The following STAG1 variants were observed in gnomAD, a reference collection of about 807,000 sequenced individuals.
STAG1 encodes the protein cohesin subunit SA-1.
STAG1 carries 26 observed loss-of-function variants against 170.9 expected under a neutral mutation model. The ratio of observed to expected loss-of-function variants is 0.15; its 90% CI spans 0.11 to 0.21. STAG1 has a LOEUF of 0.21. Among genes scored for constraint, STAG1 ranks in the 10% least tolerant of loss-of-function variants. The pLI is 1.00. For synonymous variants in STAG1, 514 were observed against 497.7 expected, an observed-to-expected ratio of 1.03 and a Z score of -0.44; for missense variants, 964 against 1,509.5, an observed-to-expected ratio of 0.64 and a Z score of 5.99.
intron 16 of STAG1, among the ~76,000 whole-genome samples, chr3:136,423,464 C>T (rs1324552059): frequency 6.6e-6 from 1 of 152,126 alleles, no homozygotes; most frequent in African/African-American, 2.4e-5. Context: ...TTTTAAAGCA[C>T]ACACTAATAA....
intron 12 of STAG1, among the ~76,000 whole-genome samples, chr3:136,470,273 TCAAA>T (rs1364418949): frequency 7.2e-5 from 11 of 151,914 alleles, no homozygotes; most frequent in Admixed American, 1.3e-4. Flanking sequence ...TACAAAGAAC[TCAAA>T]CAAATTTACA....
chr3:136,421,737 T>A (rs536528667), intron 19 of STAG1, among the ~76,000 whole-genome samples: 1 of 152,196 alleles, frequency 6.6e-6, no homozygotes, highest in Non-Finnish European at 1.5e-5. Flanking sequence ...TAAGCAGGCA[T>A]CCTTAAAAGT....
intron 6 of STAG1, among the ~76,000 whole-genome samples, chr3:136,538,035 G>A (rs1049322552): frequency 2.6e-5 from 4 of 152,034 alleles, no homozygotes; most frequent in African/African-American, 9.7e-5. Context: ...TAAAAATAAA[G>A]ATATACACCC....
rs775057375 is a variant in STAG1 at position 136,421,193 on chromosome 3, C to T, written c.2038-30G>A. 9.3e-5 allele frequency: 137 copies of T among 1,472,418 alleles called. 1 individual carries two copies. The South Asian group carries it at 1.6e-3, about 17-fold the overall frequency. The allele number at this position is 1,472,418 out of a possible 1,614,324, so 91.2% of individuals were successfully genotyped here. ...AAAAAAAGGAAACATCACATCATTA[C>T]AACTTTACTCACCTTATAGTATATT... On this transcript the variant is annotated intron_variant, in intron 19 of 33. Transcript: ENST00000383202.
At chr3:136,623,557 G>A (rs1414052588) in intron 2 of STAG1, among the ~76,000 whole-genome samples, 1 of 152,042 alleles carries the variant, frequency 6.6e-6, no homozygotes, top group African/African-American at 2.4e-5. Flanking sequence ...AAAATATGAA[G>A]GCTTAGGAAT....
At chr3:136,366,865 G>C (rs1326436854) in intron 25 of STAG1, 78 bp downstream of exon 25, 2 of 1,240,256 alleles carry the variant, frequency 1.6e-6, no homozygotes, top group Non-Finnish European at 2.2e-6. Context: ...GTCAATTTTA[G>C]CTTCTGTCAT....
At chr3:136,683,125 G>A (rs912125476) in intron 1 of STAG1, among the ~76,000 whole-genome samples, 1 of 152,166 alleles carries the variant, frequency 6.6e-6, no homozygotes, top group Non-Finnish European at 1.5e-5. Context: ...GAGAAAGTTA[G>A]TGTTTAACAG....
chr3:136,384,120 A>G (rs1229450082), intron 22 of STAG1, among the ~76,000 whole-genome samples: 2 of 152,128 alleles, frequency 1.3e-5, no homozygotes, highest in Non-Finnish European at 2.9e-5. Flanking sequence ...GATAAAATTA[A>G]TATGTGGCAA....
chr3:136,726,919 T>C (rs1415301171), intron 1 of STAG1, among the ~76,000 whole-genome samples: 6 of 152,204 alleles, frequency 3.9e-5, no homozygotes, highest in Admixed American at 3.3e-4. Flanking sequence ...TGGCCTTCTC[T>C]GAATTCCTAG....
intron 1 of STAG1, among the ~76,000 whole-genome samples, chr3:136,681,262 G>C (rs1942324606): frequency 1.3e-5 from 2 of 152,250 alleles, no homozygotes; most frequent in African/African-American, 2.4e-5. Flanking sequence ...TAATCAATCT[G>C]TGAATTACAT....
At chr3:136,461,063 T>C (rs1228117925) in intron 13 of STAG1, among the ~76,000 whole-genome samples, 1 of 152,154 alleles carries the variant, frequency 6.6e-6, no homozygotes, top group Non-Finnish European at 1.5e-5. Flanking sequence ...ATACATCACA[T>C]CAACAGACTG....
intron 4 of STAG1, among the ~76,000 whole-genome samples, chr3:136,600,428 C>T (rs1311513995): frequency 6.6e-6 from 1 of 152,222 alleles, no homozygotes; most frequent in Non-Finnish European, 1.5e-5. Context: ...TGCTTTTCTG[C>T]CCTAAACCCA....
At chr3:136,545,044 TA>T (rs1272486986) in intron 5 of STAG1, among the ~76,000 whole-genome samples, 2 of 152,174 alleles carry the variant, frequency 1.3e-5, no homozygotes, top group African/African-American at 2.4e-5. Flanking sequence ...TCTAACTTTT[TA>T]TTTTTTTATT....
chr3:136,344,495 T>A (rs1026720924), intron 29 of STAG1, among the ~76,000 whole-genome samples: 2 of 152,186 alleles, frequency 1.3e-5, no homozygotes, highest in Non-Finnish European at 2.9e-5. Flanking sequence ...CACTGGTCAG[T>A]AACTTCTTGC....
At chr3:136,731,748 A>C (rs1437442187) in intron 1 of STAG1, among the ~76,000 whole-genome samples, 3 of 152,258 alleles carry the variant, frequency 2.0e-5, no homozygotes, top group African/African-American at 2.4e-5. Context: ...GAGCAAAATT[A>C]CACGAAAACA....
intron 4 of STAG1, among the ~76,000 whole-genome samples, chr3:136,575,859 A>G (rs1376604690): frequency 6.6e-6 from 1 of 152,206 alleles, no homozygotes; most frequent in Non-Finnish European, 1.5e-5. Context: ...CTAGCCATAT[A>G]TGAATGCAAT....
At chr3:136,632,383 G>A (rs1273152651) in intron 1 of STAG1, among the ~76,000 whole-genome samples, 1 of 152,112 alleles carries the variant, frequency 6.6e-6, no homozygotes, top group Admixed American at 6.5e-5. Flanking sequence ...TTGCTTACTT[G>A]CCTACCATCG....
intron 1 of STAG1, among the ~76,000 whole-genome samples, chr3:136,710,292 A>C (rs1321361152): frequency 1.3e-5 from 2 of 152,188 alleles, no homozygotes; most frequent in Non-Finnish European, 2.9e-5. Context: ...ACAGTAATAC[A>C]GTCTGATTTT....
chr3:136,678,980 T>C (rs1271009789), intron 1 of STAG1, among the ~76,000 whole-genome samples: 1 of 90,442 alleles, frequency 1.1e-5, no homozygotes, highest in Non-Finnish European at 2.3e-5. Flanking sequence ...CAACAAAGAA[T>C]ATCAAAAATA....
Sources: allele counts gnomAD v4.1 joint callset (sites outside exome capture counted in the v4.1 genomes callset), GRCh38; gene constraint gnomAD v4.1.1; transcripts MANE v1.5; gene names NCBI Gene and HGNC (gene_info 2026-07-23, HGNC 2026-07-21).